BMPR1A: variants seen among roughly 807,000 people sequenced by gnomAD.
BMPR1A encodes bone morphogenetic protein receptor type 1A.
BMPR1A carries 7 observed loss-of-function variants against 66.0 expected under a neutral mutation model. The ratio of observed to expected loss-of-function variants is 0.11; its 90% CI spans 0.06 to 0.20. The LOEUF (loss-of-function observed/expected upper bound fraction) is 0.20. Ranked by LOEUF, BMPR1A falls within the 10% of genes least tolerant of loss-of-function variation. BMPR1A has a pLI of 1.00. For synonymous variants in BMPR1A, 200 were observed against 229.7 expected, an observed-to-expected ratio of 0.87 and a Z score of 1.17; for missense variants, 408 against 669.1, an observed-to-expected ratio of 0.61 and a Z score of 4.31.
At chr10:86,822,661 G>A (rs905922668) in intron 1 of BMPR1A, among the ~76,000 whole-genome samples, 1 of 151,478 alleles carries the variant, frequency 6.6e-6, no homozygotes, top group Non-Finnish European at 1.5e-5. Flanking sequence ...TTTTGAGGCA[G>A]AGTCTTACTC....
chr10:86,829,637 G>T (rs1009887603), intron 1 of BMPR1A, among the ~76,000 whole-genome samples: 2 of 152,190 alleles, frequency 1.3e-5, no homozygotes, highest in African/African-American at 2.4e-5. Flanking sequence ...CTATGATGTT[G>T]ACATTTCGAG....
At chr10:86,851,049 G>A (rs1842560782) in intron 2 of BMPR1A, among the ~76,000 whole-genome samples, 2 of 152,120 alleles carry the variant, frequency 1.3e-5, no homozygotes, top group Non-Finnish European at 2.9e-5. Context: ...GAAATATTTT[G>A]GAAAGAAGAG....
At chr10:86,922,856 C>T (rs75411054) in intron 11 of BMPR1A, among the ~76,000 whole-genome samples, 5,568 of 152,296 alleles carry the variant, frequency 0.037, 226 homozygotes, top group African/African-American at 0.1. Context: ...TTACCCTCAC[C>T]GTTTCCGGTA....
intron 1 of BMPR1A, among the ~76,000 whole-genome samples, chr10:86,820,330 A>G (rs1366281969): frequency 1.3e-5 from 2 of 151,120 alleles, no homozygotes; most frequent in Admixed American, 6.6e-5. Context: ...GGCATGAGCC[A>G]CTGCACCCAG....
intron 1 of BMPR1A, among the ~76,000 whole-genome samples, chr10:86,793,832 T>A (rs113880181): frequency 2.0e-5 from 3 of 152,318 alleles, no homozygotes; most frequent in African/African-American, 7.2e-5. Context: ...TGCAGGTGTC[T>A]ACAGGGCCGT....
intron 5 of BMPR1A, among the ~76,000 whole-genome samples, chr10:86,898,533 G>A (rs180937157): frequency 1.2e-3 from 189 of 152,196 alleles, no homozygotes; most frequent in African/African-American, 4.4e-3. Context: ...AGCTACCTTC[G>A]TCATCCCTGT....
chr10:86,907,652 C>G, intron 7 of BMPR1A, among the ~76,000 whole-genome samples: 1 of 152,192 alleles, frequency 6.6e-6, no homozygotes, highest in South Asian at 2.1e-4. Flanking sequence ...TTAATGAAAT[C>G]CTGTTATTTT....
chr10:86,840,558 A>G (rs994291848), intron 2 of BMPR1A, among the ~76,000 whole-genome samples: 1 of 151,660 alleles, frequency 6.6e-6, no homozygotes, highest in Admixed American at 6.6e-5. Flanking sequence ...TAGTCTCATG[A>G]TTTCCGCAAT....
intron 1 of BMPR1A, among the ~76,000 whole-genome samples, chr10:86,776,073 A>G (rs1448071149): frequency 6.6e-6 from 1 of 152,178 alleles, no homozygotes; most frequent in African/African-American, 2.4e-5. Flanking sequence ...AAATGTTTTA[A>G]GCAGCCTCTG....
chr10:86,836,731 G>A (rs1463334768), intron 1 of BMPR1A, among the ~76,000 whole-genome samples: 2 of 152,156 alleles, frequency 1.3e-5, no homozygotes, highest in Non-Finnish European at 2.9e-5. Flanking sequence ...CCAGGAATTC[G>A]AGACCAGCCT....
downstream of BMPR1A, chr10:86,931,550 C>T (rs929523999): frequency 6.6e-6 from 1 of 151,700 alleles, no homozygotes; most frequent in Non-Finnish European, 1.5e-5. Context: ...TGATCCTGTC[C>T]TCATACTTGG....
intron 1 of BMPR1A, among the ~76,000 whole-genome samples, chr10:86,821,755 T>C (rs1171767891): frequency 1.3e-5 from 2 of 152,166 alleles, no homozygotes; most frequent in Non-Finnish European, 2.9e-5. Flanking sequence ...GACATCATCA[T>C]TACCCACAGA....
intron 2 of BMPR1A, among the ~76,000 whole-genome samples, chr10:86,848,021 C>T (rs1393390481): frequency 1.3e-5 from 2 of 151,822 alleles, no homozygotes; most frequent in Non-Finnish European, 2.9e-5. Context: ...ACCCTTCGCC[C>T]CCCGGGTTCA....
At chr10:86,837,213 G>A (rs1842360937) in intron 1 of BMPR1A, among the ~76,000 whole-genome samples, 1 of 146,044 alleles carries the variant, frequency 6.8e-6, no homozygotes, top group Admixed American at 7.1e-5. Context: ...GGAAATATCT[G>A]GCAGAATTAG....
At chr10:86,919,525 TC>T in intron 10 of BMPR1A, 56 bp downstream of exon 10, 1 of 1,589,636 alleles carries the variant, frequency 6.3e-7, no homozygotes, top group Non-Finnish European at 8.6e-7. Context: ...AAAAGATATT[TC>T]CCTATTTGTA....
At chr10:86,765,906 C>G (rs574389398) in intron 1 of BMPR1A, among the ~76,000 whole-genome samples, 1 of 151,436 alleles carries the variant, frequency 6.6e-6, no homozygotes, top group East Asian at 1.9e-4. Context: ...TGGGGTCATA[C>G]GATACATCCT....
At chr10:86,904,626 C>T (rs1564719518) in intron 7 of BMPR1A, among the ~76,000 whole-genome samples, 1 of 152,056 alleles carries the variant, frequency 6.6e-6, no homozygotes, top group Non-Finnish European at 1.5e-5. Context: ...GAAAGACAGG[C>T]CAGGTGAAGA....
intron 1 of BMPR1A, among the ~76,000 whole-genome samples, chr10:86,793,574 G>A (rs1841662752): frequency 6.6e-6 from 1 of 151,942 alleles, no homozygotes; most frequent in African/African-American, 2.4e-5. Context: ...ATATTGATCA[G>A]GCTGGTCTCA....
At chr10:86,768,380 C>T (rs1387146475) in intron 1 of BMPR1A, among the ~76,000 whole-genome samples, 1 of 152,030 alleles carries the variant, frequency 6.6e-6, no homozygotes, top group African/African-American at 2.4e-5. Flanking sequence ...GTGCCCCCCA[C>T]CCCCATGTGT....
Sources: allele counts gnomAD v4.1 joint callset (sites outside exome capture counted in the v4.1 genomes callset), GRCh38; gene constraint gnomAD v4.1.1; transcripts MANE v1.5; gene names NCBI Gene and HGNC (gene_info 2026-07-23, HGNC 2026-07-21).